MLN: variants seen among roughly 807,000 people sequenced by gnomAD.
The protein encoded by MLN is promotilin.
MLN carries 14 observed loss-of-function variants against 13.3 expected under a neutral mutation model. The observed-to-expected ratio is 1.05, with a 90% CI of 0.69 to 1.64. The LOEUF (loss-of-function observed/expected upper bound fraction) is 1.64, where lower values mean the gene tolerates loss of function less well. Among genes scored for constraint, MLN ranks in the 40% most tolerant of loss-of-function variants. MLN has a pLI of 0.00. For synonymous variants in MLN, 59 were observed against 54.7 expected, an observed-to-expected ratio of 1.08 and a Z score of -0.34; for missense variants, 122 against 142.9, an observed-to-expected ratio of 0.85 and a Z score of 0.75.
rs1260606076 is a variant in MLN at position 33,799,899 on chromosome 6, T to G, written c.118-678A>C. On this transcript the variant is annotated intron_variant, in intron 2 of 4. Coordinates refer to ENST00000430124, the MANE Select transcript of MLN (RefSeq NM_002418.3). The surrounding 1 kb of genome is among the most constrained non-coding windows in gnomAD (Gnocchi z 4.6). ...CTGAGCACTGAGATCCTCATTCCTT[T>G]GCTTTCTCTAATGACACTCTTGGGA... 6.6e-6 allele frequency among the ~76,000 whole-genome samples: 1 copy of G among 152,202 alleles called. No homozygotes were observed. The highest frequency in any genetic ancestry group is 1.9e-4 in the East Asian group (1 of 5,192).
intron 1 of MLN, 128 bp from the exon 2 acceptor site, chr6:33,801,298 A>C: frequency 5.8e-6 from 4 of 689,274 alleles, no homozygotes; most frequent in Non-Finnish European, 7.6e-6. Context: ...GCCAAAGCTC[A>C]GCCTGTCTGG....
At chr6:33,798,714 C>T (rs1767979726) in intron 3 of MLN, among the ~76,000 whole-genome samples, 1 of 152,248 alleles carries the variant, frequency 6.6e-6, no homozygotes, top group South Asian at 2.1e-4. Context: ...ACCGGTGTTC[C>T]TCAGTCTTTG....
chr6:33,799,260 C>A lies in MLN; in HGVS notation c.118-39G>T. 2 of 1,480,930 alleles carry A rather than the reference C, an allele frequency of 1.4e-6. No individual in the cohort carries two copies. The highest frequency in any genetic ancestry group is 1.9e-6 in the Non-Finnish European group (2 of 1,062,618). 91.7% of individuals were successfully genotyped at this position (1,480,930 alleles called of 1,614,324 possible). A position where few individuals can be genotyped will look rare whatever the true frequency, so the allele number is the denominator to read the frequency against. On this transcript the variant is annotated intron_variant, in intron 2 of 4. Transcript: ENST00000430124. This position sits in a 1 kb window ranked among gnomAD's most constrained non-coding sequence, Gnocchi z 4.6. ...AGAAAATTGCACAAAACCGCCCTCC[C>A]TCAACCCACGCTGATGGCCCCTTGC... is the stretch of plus-strand genomic sequence containing the variant.
rs1245427813 is a variant in MLN at position 33,799,806 on chromosome 6, A to T, written c.118-585T>A. On this transcript the variant is annotated intron_variant, in intron 2 of 4. Transcript: ENST00000430124. The surrounding 1 kb of genome is among the most constrained non-coding windows in gnomAD (Gnocchi z 4.6). ...CCTTTGCTTGCTATTTTGCTAGTTT[A>T]TGTTCCATTGGGTTTGACTGTTCCT... is the stretch of plus-strand genomic sequence containing the variant. Among the ~76,000 whole-genome samples, 5 of 152,112 alleles carry T rather than the reference A, an allele frequency of 3.3e-5. No individual in the cohort carries two copies. The highest frequency in any genetic ancestry group is 7.4e-5 in the Non-Finnish European group (5 of 68,016).
intron 3 of MLN, among the ~76,000 whole-genome samples, chr6:33,797,666 T>G (rs1035273946): frequency 2.0e-5 from 3 of 152,184 alleles, no homozygotes; most frequent in Admixed American, 1.3e-4. Flanking sequence ...TCCAACCTCC[T>G]TGCCCTGCCT....
At chr6:33,798,980 T>C (rs1767986004) in intron 3 of MLN, 125 bp downstream of exon 3, 6 of 603,976 alleles carry the variant, frequency 9.9e-6, no homozygotes, top group Admixed American at 7.7e-5. Context: ...CTGGATGTCT[T>C]GCTCACTGCG....
chr6:33,795,398 C>A, intron 4 of MLN, 105 bp downstream of exon 4: 1 of 871,278 alleles, frequency 1.1e-6, no homozygotes, highest in Non-Finnish European at 1.8e-6. Flanking sequence ...TTCTCAAGTG[C>A]AAAGCAGCCA....
rs774265058 is a variant in MLN, at chr6:33,794,830, TG to T, written c.342del (p.Lys115SerfsTer20). The T allele has an allele frequency of 6.2e-7, 1 of 1,613,602 alleles. No individual in the cohort carries two copies. Among genetic ancestry groups the T allele is most frequent in the Non-Finnish European group, 8.5e-7 (1 of 1,179,764 alleles). On this transcript the variant is annotated frameshift_variant, in exon 5 of 5. Transcript: ENST00000430124. LOFTEE classifies it high-confidence loss of function. ...LLSEMLPQHAAK is the reference protein window; with the variant it reads ...LLSEMLPQHAXK ...CCTTCTCCCCAGCGTGGCCATCACT[TG>T]GCTGCTGGAGAAAAGCAGAGGTTTG... is the stretch of plus-strand genomic sequence containing the variant.
chr6:33,800,670 TGTTA>T (rs1179945562), intron 2 of MLN, among the ~76,000 whole-genome samples: 9 of 152,258 alleles, frequency 5.9e-5, no homozygotes, highest in African/African-American at 2.2e-4. Context: ...TGTCTTCGAC[TGTTA>T]GTTAATTTTT....
At chr6:33,801,692 A>G (rs1485384864) in intron 1 of MLN, among the ~76,000 whole-genome samples, 3 of 152,226 alleles carry the variant, frequency 2.0e-5, no homozygotes, top group Non-Finnish European at 4.4e-5. Context: ...CTGCCATTGC[A>G]AAGGATGAGC....
At chr6:33,801,294 G>A in intron 1 of MLN, 124 bp from the exon 2 acceptor site, 1 of 703,600 alleles carries the variant, frequency 1.4e-6, no homozygotes, top group Non-Finnish European at 2.5e-6. Context: ...TTCAGCCAAA[G>A]CTCAGCCTGT....
intron 4 of MLN, 98 bp downstream of exon 4, chr6:33,795,405 G>T: frequency 2.1e-6 from 2 of 944,594 alleles, no homozygotes; most frequent in South Asian, 1.5e-5. Context: ...GTGCAAAGCA[G>T]CCAAACAAAT....
In MLN at chr6:33,799,853, G is replaced by C. The variant is rs1356020095; in HGVS notation, c.118-632C>G. On this transcript the variant is annotated intron_variant, in intron 2 of 4. Coordinates refer to ENST00000430124, the MANE Select transcript of MLN (RefSeq NM_002418.3). The surrounding 1 kb of genome is among the most constrained non-coding windows in gnomAD (Gnocchi z 4.6). ...TCCTGTCCAGCCCCCAGTCTTGCCC[G>C]GCATGCTGCTGGCCAGGTCCCTGAG... 6.6e-6 allele frequency among the ~76,000 whole-genome samples: 1 copy of C among 152,116 alleles called. No homozygotes were observed. Among genetic ancestry groups the C allele is most frequent in the African/African-American group, 2.4e-5 (1 of 41,422 alleles).
intron 4 of MLN, among the ~76,000 whole-genome samples, chr6:33,795,038 G>A (rs879517043): frequency 7.9e-5 from 12 of 152,224 alleles, no homozygotes; most frequent in Non-Finnish European, 1.3e-4. Context: ...ATCACTAACA[G>A]CACTTCCTCG....
intron 3 of MLN, among the ~76,000 whole-genome samples, chr6:33,797,072 C>T (rs895182026): frequency 3.3e-5 from 5 of 152,282 alleles, no homozygotes; most frequent in South Asian, 2.1e-4. Flanking sequence ...GTGCAGAGTG[C>T]GGCAACAGCA....
At chr6:33,795,747 T>G (rs932676935) in intron 3 of MLN, 142 bp from the exon 4 acceptor site, 2 of 663,922 alleles carry the variant, frequency 3.0e-6, no homozygotes, top group Non-Finnish European at 5.3e-6. Flanking sequence ...TGGCTGGGAA[T>G]TCTGCCACCT....
Position 33,799,243 on chromosome 6 carries a change from G to A in MLN, c.118-22C>T, listed in dbSNP as rs764445650. ...TTTCCTAGGGGCAGAACAGAAAATT[G>A]CACAAAACCGCCCTCCCTCAACCCA... On this transcript the variant is annotated intron_variant, in intron 2 of 4. Coordinates refer to ENST00000430124, the MANE Select transcript of MLN (RefSeq NM_002418.3). The surrounding 1 kb of genome is among the most constrained non-coding windows in gnomAD (Gnocchi z 4.6). The A allele has an allele frequency of 1.1e-5, 18 of 1,570,870 alleles. No homozygotes were observed. The highest frequency in any genetic ancestry group is 2.3e-5 in the East Asian group (1 of 44,314).
intron 1 of MLN, 65 bp from the exon 2 acceptor site, chr6:33,801,235 G>T: frequency 8.2e-7 from 1 of 1,225,092 alleles, no homozygotes; most frequent in Non-Finnish European, 1.2e-6. Flanking sequence ...CTGTGTCCGA[G>T]GCAGGGGCCC....
intron 1 of MLN, among the ~76,000 whole-genome samples, chr6:33,802,183 TCTGCCCATA>T (rs1760849664): frequency 6.6e-6 from 1 of 152,180 alleles, no homozygotes; most frequent in Non-Finnish European, 1.5e-5. Flanking sequence ...CTACGTTGCC[TCTGCCCATA>T]GTAGGCAGAG....
Sources: allele counts gnomAD v4.1 joint callset (sites outside exome capture counted in the v4.1 genomes callset), GRCh38; gene constraint gnomAD v4.1.1; non-coding constraint Gnocchi (gnomAD v3.1); transcripts MANE v1.5; gene names NCBI Gene and HGNC (gene_info 2026-07-23, HGNC 2026-07-21).